ZBTB11: variants seen among roughly 807,000 people sequenced by gnomAD.
ZBTB11 encodes the protein zinc finger and BTB domain containing 11, also known as zinc finger and BTB domain-containing protein 11.
A neutral mutation model predicts 113.1 loss-of-function variants in ZBTB11; 68 were observed. The ratio of observed to expected loss-of-function variants is 0.60; its 90% CI spans 0.49 to 0.74. ZBTB11 has a LOEUF of 0.74. Among genes scored for constraint, ZBTB11 ranks in the 30% least tolerant of loss-of-function variants. The pLI, the probability that ZBTB11 is intolerant of heterozygous loss-of-function variation, is 0.00. For missense variants in ZBTB11, 1,104 were observed against 1,279.4 expected, an observed-to-expected ratio of 0.86 and a Z score of 2.09; for synonymous variants, 518 against 452.6, an observed-to-expected ratio of 1.14 and a Z score of -1.83.
At chr3:101,656,025 A>G in intron 7 of ZBTB11, 79 bp downstream of exon 7, 8 of 1,125,106 alleles carry the variant, frequency 7.1e-6, no homozygotes, top group Non-Finnish European at 9.5e-6. Flanking sequence ...CAGTTTATCA[A>G]TATAATTTCT....
chr3:101,676,447 T>G, intron 1 of ZBTB11, 158 bp downstream of exon 1: 1 of 752,370 alleles, frequency 1.3e-6, no homozygotes, highest in Admixed American at 4.1e-5. Flanking sequence ...GTGCGGCTCC[T>G]TTCGCGTCCC....
Position 101,651,685 on chromosome 3 carries a change from T to TA in ZBTB11, c.2645-3dup, listed in dbSNP as rs56200814. 0.14 allele frequency: 182,486 copies of TA among 1,325,778 alleles called. 3,149 individuals carry two copies. The highest frequency in any genetic ancestry group is 0.21 in the Admixed American group (6,844 of 32,172). 82.1% of individuals were successfully genotyped at this position (1,325,778 alleles called of 1,614,324 possible). On this transcript the variant is annotated splice_region_variant and splice_polypyrimidine_tract_variant and intron_variant, in intron 10 of 10. Transcript: ENST00000312938. The stretch of plus-strand genomic sequence containing the variant: ...TTAAGCACTCAAATGGCTTAACTCC[T>TA]AAAAAAAAAAAAAAAAAAGCATGTG...
In ZBTB11 at chr3:101,676,951, C is replaced by A. The variant is rs753107596; in HGVS notation, c.-37G>T. ...GCTCCCTGAGGGCGCCTGTCAGGGA[C>A]AGGTGAGGAAAACGGCCCGCTACCT... On this transcript the variant is annotated 5_prime_UTR_variant, in exon 1 of 11. Transcript: ENST00000312938. 3.3e-6 allele frequency: 5 copies of A among 1,515,682 alleles called. No individual in the cohort carries two copies. The highest frequency in any genetic ancestry group is 4.4e-6 in the Non-Finnish European group (5 of 1,131,070). 93.9% of individuals were successfully genotyped at this position (1,515,682 alleles called of 1,614,324 possible).
At chr3:101,672,365 C>T (rs1371430061) in intron 1 of ZBTB11, 152 bp from the exon 2 acceptor site, 6 of 569,522 alleles carry the variant, frequency 1.1e-5, no homozygotes, top group Non-Finnish European at 1.5e-5. Flanking sequence ...GTAAAATATA[C>T]TTTTTTCCCA....
At chr3:101,675,703 T>C (rs1444268599) in intron 1 of ZBTB11, among the ~76,000 whole-genome samples, 1 of 152,228 alleles carries the variant, frequency 6.6e-6, no homozygotes, top group Non-Finnish European at 1.5e-5. Context: ...AATCAAAAAG[T>C]CACAGTAATC....
chr3:101,653,971 C>T (rs1372013679), intron 8 of ZBTB11, among the ~76,000 whole-genome samples: 2 of 152,280 alleles, frequency 1.3e-5, no homozygotes, highest in East Asian at 3.9e-4. Flanking sequence ...TTAAGCGATC[C>T]TCCCACCTGT....
At position 101,659,961 on chromosome 3, in the gene ZBTB11, T is replaced by C; in HGVS notation, c.1868A>G (p.Asp623Gly). Residue 623 changes from aspartate (D) to glycine (G), a missense_variant, in exon 6 of 11, where the codon GAT becomes GGT. By Grantham distance (94) the Asp-to-Gly change is moderately conservative. Coordinates refer to ENST00000312938, the MANE Select transcript of ZBTB11 (RefSeq NM_014415.4). ...ATTGGACGAGGATGAAGAGGGTGCATCTTTTCTGGTATGACGAATAAGATG... is the reference window on the plus strand; with the variant it reads ...ATTGGACGAGGATGAAGAGGGTGCACCTTTTCTGGTATGACGAATAAGATG... ...RAHLIRHTRK[D>G]APSSSSSNST... is the part of the protein sequence containing the mutation. The C allele has an allele frequency of 6.2e-7, 1 of 1,614,222 alleles. No individual in the cohort carries two copies.
intron 7 of ZBTB11, 106 bp from the exon 8 acceptor site, chr3:101,654,927 G>A: frequency 1.3e-6 from 1 of 795,216 alleles, no homozygotes; most frequent in South Asian, 1.6e-5. Context: ...AGGTTGGATG[G>A]AGTGCAGTGG....
At position 101,651,481 on chromosome 3, in the gene ZBTB11, T is replaced by A; in HGVS notation, c.2847A>T (p.Lys949Asn). Residue 949 changes from lysine (K) to asparagine (N), a missense_variant, in exon 11 of 11, where the codon AAA becomes AAT. Coordinates refer to ENST00000312938, the MANE Select transcript of ZBTB11 (RefSeq NM_014415.4). ...DYVPCKIMLE[K>N]DTLQFHNQGT... Reference sequence around the variant, plus strand: ...CTTGGTTATGAAACTGAAGGGTGTCTTTTTCCAGCATAATTTTGCAAGGCA... The same window carrying A: ...CTTGGTTATGAAACTGAAGGGTGTCATTTTCCAGCATAATTTTGCAAGGCA... 6.2e-7 allele frequency: 1 copy of A among 1,614,148 alleles called. No homozygotes were observed. Among genetic ancestry groups the A allele is most frequent in the South Asian group, 1.1e-5 (1 of 91,086 alleles).
At chr3:101,664,247 T>C (rs1289595807) in intron 5 of ZBTB11, among the ~76,000 whole-genome samples, 1 of 152,240 alleles carries the variant, frequency 6.6e-6, no homozygotes, top group Non-Finnish European at 1.5e-5. Flanking sequence ...TCTATTTATT[T>C]GTATCCAGAA....
intron 7 of ZBTB11, 58 bp from the exon 8 acceptor site, chr3:101,654,879 A>G: frequency 6.8e-7 from 1 of 1,473,168 alleles, no homozygotes; most frequent in East Asian, 2.3e-5. Flanking sequence ...CTTTTAACAG[A>G]ATTTTTTTTT....
chr3:101,660,341 G>T (rs1936867361), intron 5 of ZBTB11, among the ~76,000 whole-genome samples: 1 of 152,172 alleles, frequency 6.6e-6, no homozygotes, highest in Non-Finnish European at 1.5e-5. Flanking sequence ...GGTGGAACAG[G>T]AGTAGGGGCT....
chr3:101,664,630 T>G lies in ZBTB11; in HGVS notation c.1708A>C (p.Lys570Gln), dbSNP rs760446487. ...AKENTEEASH[K>Q]CGECGMVFQR... ...AAAACCATTCCACATTCCCCACATT[T>G]ATGAGATGCTTCTTCTGTGTTCTCT... is the stretch of plus-strand genomic sequence containing the variant. Residue 570 changes from lysine (K) to glutamine (Q), a missense_variant, in exon 5 of 11, where the codon AAA becomes CAA. Coordinates refer to ENST00000312938, the MANE Select transcript of ZBTB11 (RefSeq NM_014415.4). The G allele has an allele frequency of 6.2e-7, 1 of 1,613,964 alleles. No individual in the cohort carries two copies. Among genetic ancestry groups the G allele is most frequent in the South Asian group, 1.1e-5 (1 of 91,034 alleles).
rs752170906 is a variant in ZBTB11, at chr3:101,665,587, G to C, written c.1000C>G (p.Arg334Gly). The C allele has an allele frequency of 1.2e-5, 19 of 1,614,194 alleles. No individual in the cohort carries two copies. The highest frequency in any genetic ancestry group is 1.6e-4 in the Middle Eastern group (1 of 6,062). ...GGTGCTGTACCTCCATTCTGTACTC[G>C]TAAGTCCTGGGTGGATGCAACTGTT... ...VQTVASTQDL[R>G]VQNGGTAPPV... The change falls in exon 4 of 11, where the codon CGA becomes GGA. Residue 334 changes from arginine to glycine, a missense_variant. Arg to Gly is a moderately radical substitution (Grantham distance 125, BLOSUM62 -2). Transcript: ENST00000312938.
chr3:101,654,862 C>A, intron 7 of ZBTB11, 41 bp from the exon 8 acceptor site: 1 of 1,537,790 alleles, frequency 6.5e-7, no homozygotes, highest in Admixed American at 1.8e-5. Context: ...ATCCAGCAAT[C>A]AGTCCTCTTT....
rs147439598 is a variant in ZBTB11, at chr3:101,651,324, T to C, written c.3004A>G (p.Thr1002Ala). 3.7e-6 allele frequency: 6 copies of C among 1,614,044 alleles called. No homozygotes were observed. In the Admixed American group the frequency reaches 6.7e-5, roughly 18 times the overall value. Residue 1002 changes from threonine to alanine, a missense_variant, in exon 11 of 11, where the codon ACT becomes GCT. Around this residue, in one of 5 missense-constraint regions of ZBTB11, gnomAD observed 90 missense variants for 98.0 expected, o/e 0.92. Coordinates refer to ENST00000312938, the MANE Select transcript of ZBTB11 (RefSeq NM_014415.4). ...GTAGATACCGATGGATACTCTTCAG[T>C]AGCTGCAACAGCTTCCAGAGCTTCC... ...TMEALEAVAA[T>A]EEYPSVSTLS...
At chr3:101,657,688 A>G (rs952027743) in intron 6 of ZBTB11, among the ~76,000 whole-genome samples, 1 of 151,894 alleles carries the variant, frequency 6.6e-6, no homozygotes, top group African/African-American at 2.4e-5. Flanking sequence ...GAGAAATATA[A>G]AAAACCTCAC....
In ZBTB11 at chr3:101,676,837, C is replaced by G; in HGVS notation, c.78G>C (p.Glu26Asp). The G allele has an allele frequency of 1.2e-6, 2 of 1,612,096 alleles. No individual in the cohort carries two copies. Among genetic ancestry groups the G allele is most frequent in the Non-Finnish European group, 1.7e-6 (2 of 1,179,308 alleles). Residue 26 changes from glutamate to aspartate, a missense_variant, in exon 1 of 11, where the codon GAG becomes GAC. By Grantham distance (45) the Glu-to-Asp change is conservative (BLOSUM62 2). Coordinates refer to ENST00000312938, the MANE Select transcript of ZBTB11 (RefSeq NM_014415.4). ...NEREPYAPGT[E>D]GNVKRKIRKA... ...TTCGGATTTTACGCTTGACATTGCCCTCGGTGCCCGGCGCATACGGCTCGC... is the reference window on the plus strand; with the variant it reads ...TTCGGATTTTACGCTTGACATTGCCGTCGGTGCCCGGCGCATACGGCTCGC...
chr3:101,674,404 T>C (rs538419077), intron 1 of ZBTB11, among the ~76,000 whole-genome samples: 3 of 152,178 alleles, frequency 2.0e-5, no homozygotes, highest in South Asian at 4.2e-4. Context: ...TGAGTGTAGA[T>C]TTAGAGACCA....
Sources: gnomAD v4.1 joint callset for allele counts (sites outside exome capture counted in the v4.1 genomes callset) on GRCh38, gnomAD v4.1.1 for gene constraint, gnomAD v4.1.1 regional missense constraint, MANE v1.5 for transcripts, NCBI Gene and HGNC (gene_info 2026-07-23, HGNC 2026-07-21) for gene names.